IKBKB-DT: variants seen among roughly 807,000 people sequenced by gnomAD.
IKBKB-DT encodes IKBKB antisense RNA.
At chr8:42,250,847 T>C (rs935501898) in intron 3 of IKBKB-DT, among the ~76,000 whole-genome samples, 1 of 152,138 alleles carries the variant, frequency 6.6e-6, no homozygotes, top group Admixed American at 6.5e-5. Context: ...CACACCACTG[T>C]ACTCCAGCCT....
At chr8:42,247,857 G>T (rs1563275832) in intron 3 of IKBKB-DT, among the ~76,000 whole-genome samples, 1 of 152,154 alleles carries the variant, frequency 6.6e-6, no homozygotes, top group Admixed American at 6.5e-5. Context: ...CACTTTGGGA[G>T]GCTAAGGCGG....
At chr8:42,265,379 T>C (rs2129935645) in intron 2 of IKBKB-DT, among the ~76,000 whole-genome samples, 1 of 152,302 alleles carries the variant, frequency 6.6e-6, no homozygotes, top group South Asian at 2.1e-4. Flanking sequence ...AAGAGGCCTA[T>C]TTTGGGTGGC....
chr8:42,263,400 C>A (rs1165035629), exon 3 of IKBKB-DT: 1 of 152,220 alleles, frequency 6.6e-6, no homozygotes, highest in East Asian at 1.9e-4. Flanking sequence ...GAGATCCCAT[C>A]TGGGTCACCG....
In IKBKB-DT at chr8:42,262,133, T is replaced by C. The variant is rs1185313352; in HGVS notation, n.1529+1196A>G. On this transcript the variant is annotated intron_variant and non_coding_transcript_variant, in intron 3 of 3. Coordinates refer to ENST00000518213, the Ensembl canonical transcript of IKBKB-DT. ...TTCTCCTGCTAATGTGAATTTGAAA[T>C]AGAAGGTGGGAGGGGGGAGGGATAG... 2.6e-5 allele frequency among the ~76,000 whole-genome samples: 3 copies of C among 114,260 alleles called. No individual in the cohort carries two copies. The Admixed American group carries it at 3.7e-4, about 14-fold the overall frequency. The allele number at this position is 114,260 out of a possible 152,430, so 75.0% of individuals were successfully genotyped here.
chr8:42,244,975 CG>C, intron 3 of IKBKB-DT, among the ~76,000 whole-genome samples: 1 of 152,104 alleles, frequency 6.6e-6, no homozygotes, highest in East Asian at 1.9e-4. Flanking sequence ...TTGGGCCGGG[CG>C]TGGTGGTTTA....
chr8:42,257,499 C>CA (rs34815336), intron 3 of IKBKB-DT, among the ~76,000 whole-genome samples: 48,050 of 143,298 alleles, frequency 0.34, 8,899 homozygotes, highest in East Asian at 0.52. Flanking sequence ...GACTCCATCT[C>CA]AAAAAAAAAA....
intron 1 of IKBKB-DT, chr8:42,270,621 T>G (rs1458245118): frequency 6.6e-6 from 1 of 152,244 alleles, no homozygotes; most frequent in Non-Finnish European, 1.5e-5. Flanking sequence ...TTTTTCTGCT[T>G]GAATAAAATA....
chr8:42,261,260 C>T (rs768612334), intron 3 of IKBKB-DT, among the ~76,000 whole-genome samples: 3 of 151,982 alleles, frequency 2.0e-5, no homozygotes, highest in Non-Finnish European at 2.9e-5. Context: ...CTGAGGAGGT[C>T]GAGGCTGCAG....
intron 3 of IKBKB-DT, among the ~76,000 whole-genome samples, chr8:42,254,590 G>A (rs1042556196): frequency 2.7e-5 from 4 of 150,394 alleles, no homozygotes; most frequent in Non-Finnish European, 3.0e-5. Context: ...CACTGTCTGG[G>A]AAGTGAGAAG....
intron 3 of IKBKB-DT, among the ~76,000 whole-genome samples, chr8:42,234,527 T>A (rs12679532): frequency 0.024 from 3,727 of 152,318 alleles, 156 homozygotes; most frequent in South Asian, 0.18. Context: ...ATCTGATGTG[T>A]CTGACTGCAT....
At chr8:42,265,458 G>C (rs1337850733) in intron 2 of IKBKB-DT, among the ~76,000 whole-genome samples, 2 of 152,234 alleles carry the variant, frequency 1.3e-5, no homozygotes, top group Non-Finnish European at 2.9e-5. Context: ...GAAAGGAAAA[G>C]TTGGGACAGG....
At chr8:42,265,296 C>A (rs1807355447) in intron 2 of IKBKB-DT, among the ~76,000 whole-genome samples, 1 of 152,204 alleles carries the variant, frequency 6.6e-6, no homozygotes, top group Non-Finnish European at 1.5e-5. Context: ...CACACCCGGG[C>A]AAAAGGGTCA....
chr8:42,260,308 C>G (rs1200778286), intron 3 of IKBKB-DT, among the ~76,000 whole-genome samples: 1 of 152,092 alleles, frequency 6.6e-6, no homozygotes, highest in Non-Finnish European at 1.5e-5. Context: ...ACAGTAACTC[C>G]TACTAGGGTC....
intron 3 of IKBKB-DT, among the ~76,000 whole-genome samples, chr8:42,243,937 A>G (rs1033717892): frequency 1.3e-5 from 2 of 152,216 alleles, no homozygotes; most frequent in Non-Finnish European, 2.9e-5. Flanking sequence ...CAGATGATGT[A>G]GGATCACCTA....
intron 3 of IKBKB-DT, among the ~76,000 whole-genome samples, chr8:42,252,577 G>A (rs1807142984): frequency 1.3e-5 from 2 of 152,172 alleles, no homozygotes; most frequent in Admixed American, 6.6e-5. Flanking sequence ...AGGTTGATGA[G>A]GCTGGTCTTG....
intron 3 of IKBKB-DT, among the ~76,000 whole-genome samples, chr8:42,240,599 T>C (rs1197436562): frequency 8.4e-6 from 1 of 119,738 alleles, no homozygotes; most frequent in Admixed American, 1.2e-4. Context: ...CACTCCAGCC[T>C]GAGCGACAGA....
At chr8:42,254,463 C>T (rs949567062) in intron 3 of IKBKB-DT, among the ~76,000 whole-genome samples, 1 of 150,762 alleles carries the variant, frequency 6.6e-6, no homozygotes, top group Non-Finnish European at 1.5e-5. Context: ...CCCAGCTGCC[C>T]ACCATCTGGG....
Position 42,263,647 on chromosome 8 carries a change from G to A in IKBKB-DT, n.1386-175C>T, listed in dbSNP as rs566952817. On this transcript the variant is annotated intron_variant and non_coding_transcript_variant, in intron 2 of 3. Transcript: ENST00000518213. ...ACAAAACAAGAACGGTGTTGGGGTG[G>A]ACAGTTATGGGGTGGTGTCCAGAAA... is the stretch of plus-strand genomic sequence containing the variant. Among the ~76,000 whole-genome samples, 21 of 152,286 alleles carry A rather than the reference G, an allele frequency of 1.4e-4. No homozygotes were observed. In the South Asian group the frequency reaches 3.3e-3, roughly 24 times the overall value.
At chr8:42,234,849 C>G (rs756177111) in intron 3 of IKBKB-DT, among the ~76,000 whole-genome samples, 7 of 152,146 alleles carry the variant, frequency 4.6e-5, no homozygotes, top group Non-Finnish European at 7.3e-5. Context: ...AGGCTGGTCT[C>G]GAACTCCTGA....
Sources: gnomAD v4.1 joint callset for allele counts (sites outside exome capture counted in the v4.1 genomes callset) on GRCh38, gnomAD v4.1.1 for gene constraint, MANE v1.5 for transcripts, NCBI Gene and HGNC (gene_info 2026-07-23, HGNC 2026-07-21) for gene names.